The following NDST4 variants were observed in gnomAD, a reference collection of about 807,000 sequenced individuals.
NDST4 encodes the protein N-deacetylase and N-sulfotransferase 4, also known as N-heparan sulfate sulfotransferase 4.
In NDST4, 63 loss-of-function variants were observed where a neutral mutation model predicts 100.8. The observed-to-expected ratio is 0.62, with a 90% CI of 0.51 to 0.77. The LOEUF (loss-of-function observed/expected upper bound fraction) is 0.77. NDST4 is among the 30% of genes least tolerant of loss of function. NDST4 has a pLI of 0.00. For missense variants in NDST4, 943 were observed against 1,018.4 expected, an observed-to-expected ratio of 0.93 and a Z score of 1.01; for synonymous variants, 377 against 361.8, an observed-to-expected ratio of 1.04 and a Z score of -0.48.
rs1170437222 is a variant in NDST4, at chr4:114,827,916, T to A, written c.2519A>T (p.Asn840Ile). ...MDPESRTFLS[N>I]YYRDHNVELS... The stretch of plus-strand genomic sequence containing the variant: ...TTCCACATTATGATCTCGGTAGTAA[T>A]TAGAGAGGAACGTTCTAGACTGGAA... The change falls in exon 14 of 14, where the codon AAT (asparagine) becomes ATT (isoleucine). Residue 840 changes from asparagine to isoleucine, a missense_variant. Around this residue, in one of 2 missense-constraint regions of NDST4, gnomAD observed 526 missense variants for 634.1 expected, o/e 0.83. Transcript: ENST00000264363. 6.2e-7 allele frequency: 1 copy of A among 1,607,480 alleles called. No homozygotes were observed. Among genetic ancestry groups the A allele is most frequent in the Admixed American group, 1.7e-5 (1 of 58,610 alleles).
chr4:114,980,756 T>C (rs1726750598), intron 2 of NDST4, among the ~76,000 whole-genome samples: 1 of 152,140 alleles, frequency 6.6e-6, no homozygotes, highest in African/African-American at 2.4e-5. Flanking sequence ...TATAAATGGT[T>C]TTGAAATTTT....
At chr4:115,084,302 G>C (rs912219092) in intron 1 of NDST4, among the ~76,000 whole-genome samples, 2 of 152,112 alleles carry the variant, frequency 1.3e-5, no homozygotes, top group Non-Finnish European at 2.9e-5. Context: ...ATTTCTAAGT[G>C]GCAAAGCATT....
chr4:114,843,792 C>A (rs987833327), intron 10 of NDST4, among the ~76,000 whole-genome samples: 4 of 152,132 alleles, frequency 2.6e-5, no homozygotes, highest in Admixed American at 6.5e-5. Flanking sequence ...TCCCGCTCTG[C>A]ACTTTTCATC....
At chr4:115,058,980 TACAC>T (rs36080386) in intron 2 of NDST4, among the ~76,000 whole-genome samples, 17 of 148,858 alleles carry the variant, frequency 1.1e-4, no homozygotes, top group South Asian at 4.2e-4. Flanking sequence ...GTTCTGAAGC[TACAC>T]ACACACACAC....
intron 7 of NDST4, among the ~76,000 whole-genome samples, chr4:114,864,991 T>C (rs1178940354): frequency 6.6e-6 from 1 of 152,232 alleles, no homozygotes; most frequent in African/African-American, 2.4e-5. Flanking sequence ...TACTGGTATT[T>C]TCCCATGAGG....
intron 2 of NDST4, among the ~76,000 whole-genome samples, chr4:114,994,576 A>G (rs1727119308): frequency 6.6e-6 from 1 of 152,044 alleles, no homozygotes; most frequent in Non-Finnish European, 1.5e-5. Context: ...CAGGGTAAAG[A>G]AATTTCCAGT....
chr4:114,870,874 T>C lies in NDST4; in HGVS notation c.1613A>G (p.Asn538Ser), dbSNP rs1280541412. 6.2e-7 allele frequency: 1 copy of C among 1,613,196 alleles called. No homozygotes were observed. Among genetic ancestry groups the C allele is most frequent in the Admixed American group, 1.7e-5 (1 of 59,898 alleles). Residue 538 changes from asparagine to serine, a missense_variant, in exon 7 of 14, where the codon AAC (asparagine) becomes AGC (serine). By Grantham distance (46) the Asn-to-Ser change is conservative (BLOSUM62 1). This residue lies in a region of NDST4 where 526 missense variants were observed against 634.1 expected (regional missense o/e 0.83). Coordinates refer to ENST00000264363, the MANE Select transcript of NDST4 (RefSeq NM_022569.3). ...CAGGTTGGTCCAGCTCTGCACAAAGTTGACCAAGTTCACAAAGGTATATAA... is the reference window on the plus strand; with the variant it reads ...CAGGTTGGTCCAGCTCTGCACAAAGCTGACCAAGTTCACAAAGGTATATAA... ...LGLYTFVNLV[N>S]FVQSWTNLKL...
chr4:114,849,997 G>T (rs1319476299), intron 8 of NDST4, among the ~76,000 whole-genome samples: 1 of 152,144 alleles, frequency 6.6e-6, no homozygotes. Flanking sequence ...CTAGGGAAAT[G>T]AATTAGCAAT....
chr4:114,863,475 TTAA>T (rs1723962654), intron 7 of NDST4, among the ~76,000 whole-genome samples: 1 of 152,256 alleles, frequency 6.6e-6, no homozygotes, highest in Admixed American at 6.5e-5. Context: ...AGCTAAGCAT[TTAA>T]TTGCACTTTC....
intron 13 of NDST4, among the ~76,000 whole-genome samples, chr4:114,828,195 T>C (rs1485654440): frequency 6.6e-6 from 1 of 152,074 alleles, no homozygotes; most frequent in Non-Finnish European, 1.5e-5. Flanking sequence ...GTGGGATATA[T>C]GAAGTCTACA....
At chr4:114,906,945 C>A in intron 6 of NDST4, among the ~76,000 whole-genome samples, 1 of 151,898 alleles carries the variant, frequency 6.6e-6, no homozygotes, top group East Asian at 1.9e-4. Context: ...ACTCTATGTT[C>A]TTTTAGATTC....
intron 1 of NDST4, among the ~76,000 whole-genome samples, chr4:115,098,558 T>C (rs1051614055): frequency 6.6e-6 from 1 of 152,152 alleles, no homozygotes; most frequent in Non-Finnish European, 1.5e-5. Flanking sequence ...AGTTGGAGGA[T>C]AGATACTAAC....
intron 2 of NDST4, among the ~76,000 whole-genome samples, chr4:115,055,393 GC>G (rs1368234417): frequency 7.2e-5 from 11 of 152,114 alleles, no homozygotes; most frequent in Non-Finnish European, 1.6e-4. Flanking sequence ...GGTCCCTGGT[GC>G]CAAAAAGATT....
intron 6 of NDST4, among the ~76,000 whole-genome samples, chr4:114,933,285 A>T (rs1488049543): frequency 6.6e-6 from 1 of 152,148 alleles, no homozygotes; most frequent in Non-Finnish European, 1.5e-5. Flanking sequence ...GAAGAACAAA[A>T]TTAGACCTTT....
chr4:115,039,771 G>T (rs1213125863), intron 2 of NDST4, among the ~76,000 whole-genome samples: 2 of 151,966 alleles, frequency 1.3e-5, no homozygotes, highest in Non-Finnish European at 2.9e-5. Context: ...GAAAAGAGGG[G>T]TGTGTAAATA....
intron 4 of NDST4, among the ~76,000 whole-genome samples, chr4:114,964,534 C>A (rs894816977): frequency 2.6e-5 from 4 of 152,192 alleles, no homozygotes; most frequent in African/African-American, 9.7e-5. Context: ...ACTAAATTGG[C>A]AGGTGTTCCA....
intron 6 of NDST4, among the ~76,000 whole-genome samples, chr4:114,896,493 G>A (rs1322945862): frequency 6.6e-6 from 1 of 151,416 alleles, no homozygotes; most frequent in East Asian, 1.9e-4. Flanking sequence ...GTGTGGTGTC[G>A]GCCGCCTGTA....
At chr4:114,945,416 G>A (rs184135184) in intron 4 of NDST4, among the ~76,000 whole-genome samples, 114 of 152,094 alleles carry the variant, frequency 7.5e-4, no homozygotes, top group African/African-American at 2.6e-3. Context: ...AGGAACTATG[G>A]CTTGTAAAAC....
chr4:114,957,586 T>C (rs1428476826), intron 4 of NDST4, among the ~76,000 whole-genome samples: 1 of 152,182 alleles, frequency 6.6e-6, no homozygotes, highest in Non-Finnish European at 1.5e-5. Flanking sequence ...ACATGCCTTC[T>C]CAACAGTCCC....
Sources: allele counts gnomAD v4.1 joint callset (sites outside exome capture counted in the v4.1 genomes callset), GRCh38; gene constraint gnomAD v4.1.1; regional missense constraint gnomAD v4.1.1; transcripts MANE v1.5; gene names NCBI Gene and HGNC (gene_info 2026-07-23, HGNC 2026-07-21).